The following FLNB variants were observed in gnomAD, a reference collection of about 807,000 sequenced individuals.
FLNB encodes the protein filamin B, also known as filamin-B.
FLNB carries 111 observed loss-of-function variants against 250.6 expected under a neutral mutation model. The observed-to-expected ratio is 0.44, with a 90% CI of 0.38 to 0.52. The LOEUF (loss-of-function observed/expected upper bound fraction) is 0.52. Ranked by LOEUF, FLNB falls within the 20% of genes least tolerant of loss-of-function variation. FLNB has a pLI of 0.00. For missense variants in FLNB, 2,869 were observed against 3,447.8 expected (o/e 0.83, Z 4.20); for synonymous variants, 1,302 against 1,372.1 (o/e 0.95, Z 1.13).
chr3:58,072,461 G>A (rs1318952533), intron 1 of FLNB, among the ~76,000 whole-genome samples: 1 of 152,168 alleles, frequency 6.6e-6, no homozygotes, highest in Non-Finnish European at 1.5e-5. Context: ...CGTAAACATT[G>A]CAGAGCACGT....
intron 4 of FLNB, among the ~76,000 whole-genome samples, chr3:58,088,038 C>CT (rs56009116): frequency 0.21 from 17,576 of 84,370 alleles, 2,378 homozygotes; most frequent in Middle Eastern, 0.29. Context: ...GGCGCCCAGC[C>CT]TTTTTTTTTT....
intron 4 of FLNB, among the ~76,000 whole-genome samples, chr3:58,090,485 CTA>C (rs2097224982): frequency 6.6e-6 from 1 of 152,124 alleles, no homozygotes; most frequent in Admixed American, 6.6e-5. Context: ...ATTGTCTGTG[CTA>C]TATATGTTTC....
rs2097329364 is a variant in FLNB, at chr3:58,142,861, C to T, written c.5284+109C>T. 4.3e-6 allele frequency: 4 copies of T among 931,458 alleles called. No individual in the cohort carries two copies. The highest frequency in any genetic ancestry group is 1.6e-5 in the African/African-American group (1 of 61,944). The allele number at this position is 931,458 out of a possible 1,614,324, so 57.7% of individuals were successfully genotyped here. On this transcript the variant is annotated intron_variant, in intron 31 of 45. Coordinates refer to ENST00000295956, the MANE Select transcript of FLNB (RefSeq NM_001457.4). This position sits in a 1 kb window ranked among gnomAD's most constrained non-coding sequence, Gnocchi z 4.3. ...TCCCCCAGACCCAGGCTCCTTAACC[C>T]AGGGTCACGAGTTCTTGGTCTCCGG...
chr3:58,139,554 C>T (rs979765983), intron 29 of FLNB, among the ~76,000 whole-genome samples: 13 of 152,220 alleles, frequency 8.5e-5, no homozygotes, highest in Non-Finnish European at 1.6e-4. Context: ...TCCCTTCCAT[C>T]GACGTCTGTT....
chr3:58,018,959 C>A (rs1396512852), intron 1 of FLNB, among the ~76,000 whole-genome samples: 4 of 83,190 alleles, frequency 4.8e-5, no homozygotes, highest in Non-Finnish European at 6.6e-5. Context: ...GATCACATCT[C>A]TACAAAAAAA....
chr3:58,118,646 A>G (rs1253670671), intron 18 of FLNB, among the ~76,000 whole-genome samples: 1 of 152,230 alleles, frequency 6.6e-6, no homozygotes, highest in African/African-American at 2.4e-5. Flanking sequence ...GAAAATGCTC[A>G]TTAAGTTGCT....
chr3:58,031,824 G>A (rs538673560), intron 1 of FLNB, among the ~76,000 whole-genome samples: 3 of 151,944 alleles, frequency 2.0e-5, no homozygotes, highest in East Asian at 1.9e-4. Flanking sequence ...GACTATAGAC[G>A]TGAACCACTG....
chr3:58,154,361 G>A (rs762903861), intron 39 of FLNB, among the ~76,000 whole-genome samples: 1 of 152,132 alleles, frequency 6.6e-6, no homozygotes, highest in South Asian at 2.1e-4. Flanking sequence ...TGGGCAACAC[G>A]GTGAAACCCC....
At chr3:58,150,710 C>T in intron 38 of FLNB, 1 of 203,482 alleles carries the variant, frequency 4.9e-6, no homozygotes, top group Non-Finnish European at 1.0e-5. Flanking sequence ...TCTTCTTGGG[C>T]CCCGATTAGC....
In FLNB at chr3:58,109,781, A is replaced by T. The variant is rs1039133282; in HGVS notation, c.2323+82A>T. ...TTTCATAACGTTTCAATGCCTTTTGAACTAGGAAGTAGTCCATCTGAATAG... is the reference window on the plus strand; with the variant it reads ...TTTCATAACGTTTCAATGCCTTTTGTACTAGGAAGTAGTCCATCTGAATAG... On this transcript the variant is annotated intron_variant, in intron 15 of 45. Coordinates refer to ENST00000295956, the MANE Select transcript of FLNB (RefSeq NM_001457.4). 2.5e-6 allele frequency: 4 copies of T among 1,581,464 alleles called. No homozygotes were observed. In the African/African-American group the frequency reaches 5.4e-5, roughly 21 times the overall value.
chr3:58,132,776 C>T (rs922836202), intron 25 of FLNB, 32 bp from the exon 26 acceptor site: 1 of 1,613,906 alleles, frequency 6.2e-7, no homozygotes, highest in African/African-American at 1.3e-5. Context: ...TGAGGCCAGG[C>T]AGCTCCTTAA....
chr3:58,073,932 A>G (rs2106935037), intron 1 of FLNB, among the ~76,000 whole-genome samples: 1 of 152,346 alleles, frequency 6.6e-6, no homozygotes, highest in South Asian at 2.1e-4. Flanking sequence ...TTCATAACAC[A>G]GGTGCCTGTT....
chr3:58,162,997 G>C (rs189564474), intron 42 of FLNB, 157 bp from the exon 43 acceptor site: 15 of 735,150 alleles, frequency 2.0e-5, no homozygotes, highest in Middle Eastern at 2.8e-4. Context: ...CAGGGGGTCT[G>C]TCTGGTTCTG....
At chr3:58,094,639 A>G (rs947901153) in intron 4 of FLNB, among the ~76,000 whole-genome samples, 197 bp from the exon 5 acceptor site, 1 of 152,214 alleles carries the variant, frequency 6.6e-6, no homozygotes, top group African/African-American at 2.4e-5. Flanking sequence ...AAAATTGGAT[A>G]TTACTTCAAT....
chr3:58,064,628 C>T (rs1182353116), intron 1 of FLNB, among the ~76,000 whole-genome samples: 1 of 152,030 alleles, frequency 6.6e-6, no homozygotes, highest in Non-Finnish European at 1.5e-5. Flanking sequence ...CCCTGATTCC[C>T]TCAAGGAGTT....
At chr3:58,156,965 G>A (rs2107299938) in intron 41 of FLNB, among the ~76,000 whole-genome samples, 1 of 152,302 alleles carries the variant, frequency 6.6e-6, no homozygotes, top group Middle Eastern at 3.4e-3. Flanking sequence ...CCAAAGTGCT[G>A]GGATTACAGA....
chr3:58,088,321 T>TA (rs1477454626), intron 4 of FLNB, among the ~76,000 whole-genome samples: 1 of 152,188 alleles, frequency 6.6e-6, no homozygotes, highest in African/African-American at 2.4e-5. Context: ...TTGCTGGAAT[T>TA]ACAGGTGTGA....
intron 1 of FLNB, among the ~76,000 whole-genome samples, chr3:58,042,607 C>G (rs921169170): frequency 6.6e-6 from 1 of 152,020 alleles, no homozygotes; most frequent in African/African-American, 2.4e-5. Context: ...CTCAACCTCC[C>G]AGGCTTAAGG....
intron 11 of FLNB, among the ~76,000 whole-genome samples, chr3:58,106,445 C>T (rs2097259804): frequency 6.7e-6 from 1 of 148,816 alleles, no homozygotes; most frequent in Non-Finnish European, 1.5e-5. Flanking sequence ...GTGTGAGCCA[C>T]CACACCCAGC....
Sources: gnomAD v4.1 joint callset for allele counts (sites outside exome capture counted in the v4.1 genomes callset) on GRCh38, gnomAD v4.1.1 for gene constraint, Gnocchi (gnomAD v3.1) non-coding constraint, MANE v1.5 for transcripts, NCBI Gene and HGNC (gene_info 2026-07-23, HGNC 2026-07-21) for gene names.